Variants in GRID2 observed in about 807,000 individuals in gnomAD.
GRID2 encodes glutamate receptor ionotropic, delta-2.
Under a neutral mutation model 114.8 loss-of-function variants are expected in GRID2, and 33 were observed. The observed-to-expected ratio is 0.29, with a 90% CI of 0.22 to 0.38. GRID2 has a LOEUF of 0.38. GRID2 is among the 10% of genes least tolerant of loss of function. The probability of loss-of-function intolerance (pLI) is 1.00; values close to 1 mark genes in which losing one functional copy is unlikely to be tolerated. For missense variants in GRID2, 1,184 were observed against 1,257.7 expected, an observed-to-expected ratio of 0.94 and a Z score of 0.89; for synonymous variants, 505 against 449.9, an observed-to-expected ratio of 1.12 and a Z score of -1.55.
chr4:93,242,709 G>A (rs1747683983), intron 8 of GRID2, among the ~76,000 whole-genome samples: 1 of 151,866 alleles, frequency 6.6e-6, no homozygotes, highest in Non-Finnish European at 1.5e-5. Flanking sequence ...TTATGTTTGG[G>A]GAGAGAGAGA....
intron 2 of GRID2, among the ~76,000 whole-genome samples, chr4:92,769,677 G>C (rs1043891528): frequency 6.6e-6 from 1 of 152,160 alleles, no homozygotes; most frequent in African/African-American, 2.4e-5. Flanking sequence ...ACACCACATG[G>C]AGGCTGCCAA....
chr4:93,783,193 A>G (rs1734514257), intron 1 of GRID2, among the ~76,000 whole-genome samples: 1 of 152,280 alleles, frequency 6.6e-6, no homozygotes, highest in Non-Finnish European at 1.5e-5. Flanking sequence ...TGCCAGGCTC[A>G]GTGCTAGGCA....
chr4:92,747,775 T>C (rs1425640379), intron 2 of GRID2, among the ~76,000 whole-genome samples: 1 of 152,170 alleles, frequency 6.6e-6, no homozygotes, highest in Non-Finnish European at 1.5e-5. Flanking sequence ...TAATATTTAT[T>C]ATTAAGCCAT....
Position 93,216,684 on chromosome 4 carries a change from G to A in GRID2, c.790-54G>A. The A allele has an allele frequency of 1.4e-5, 16 of 1,151,436 alleles. 1 individual carries two copies. In the South Asian group the frequency reaches 1.9e-4, roughly 14 times the overall value. The allele number at this position is 1,151,436 out of a possible 1,614,324, so 71.3% of individuals were successfully genotyped here. ...ACAGATAACAACTCATAATAGGTTT[G>A]TGTTTTGTGACTGTATTAAAGTATC... On this transcript the variant is annotated intron_variant, in intron 5 of 15. Coordinates refer to ENST00000282020, the MANE Select transcript of GRID2 (RefSeq NM_001510.4).
intron 2 of GRID2, among the ~76,000 whole-genome samples, chr4:92,651,907 C>A (rs1049316088): frequency 6.6e-6 from 1 of 152,066 alleles, no homozygotes; most frequent in Non-Finnish European, 1.5e-5. Flanking sequence ...CCAAAGTTTT[C>A]TTTTTCTCTG....
At chr4:92,591,683 A>G (rs555566275) in intron 2 of GRID2, among the ~76,000 whole-genome samples, 7 of 152,172 alleles carry the variant, frequency 4.6e-5, no homozygotes, top group Non-Finnish European at 1.0e-4. Context: ...ATATATTTTC[A>G]ATCAATAGCA....
intron 2 of GRID2, among the ~76,000 whole-genome samples, chr4:92,720,472 G>A (rs968683109): frequency 1.3e-5 from 2 of 151,640 alleles, no homozygotes; most frequent in Non-Finnish European, 2.9e-5. Flanking sequence ...TAAAGCTCAG[G>A]GATTTCAGAA....
chr4:92,454,113 T>TAATA (rs78170420), intron 1 of GRID2, among the ~76,000 whole-genome samples: 22,706 of 152,134 alleles, frequency 0.15, 1,892 homozygotes, highest in South Asian at 0.21. Flanking sequence ...GAAATATAAA[T>TAATA]AATAATGACA....
At chr4:92,805,951 A>G (rs1578215336) in intron 2 of GRID2, among the ~76,000 whole-genome samples, 1 of 151,424 alleles carries the variant, frequency 6.6e-6, no homozygotes, top group Non-Finnish European at 1.5e-5. Flanking sequence ...TCTCCCTACT[A>G]TCACCTTCCT....
chr4:92,581,827 A>G (rs1404055200), intron 1 of GRID2, among the ~76,000 whole-genome samples: 1 of 152,128 alleles, frequency 6.6e-6, no homozygotes, highest in Non-Finnish European at 1.5e-5. Flanking sequence ...AATGTAAATT[A>G]CAATGCACAT....
Position 92,363,673 on chromosome 4 carries a change from T to C in GRID2, c.88+58929T>C, listed in dbSNP as rs138318444. Among the ~76,000 whole-genome samples, 8 of 152,112 alleles carry C rather than the reference T, an allele frequency of 5.3e-5. No individual in the cohort carries two copies. The East Asian group carries it at 1.4e-3, about 26-fold the overall frequency. On this transcript the variant is annotated intron_variant, in intron 1 of 15. Transcript: ENST00000282020. ...TTTAGACTTCTATTTTATACTGAAT[T>C]GAAATAACATACTATGTTCCTAAAA... is the stretch of plus-strand genomic sequence containing the variant.
chr4:93,247,402 G>C (rs556954694), intron 8 of GRID2, among the ~76,000 whole-genome samples: 5 of 152,216 alleles, frequency 3.3e-5, no homozygotes, highest in Non-Finnish European at 7.4e-5. Flanking sequence ...ATCTGTTGGG[G>C]AACTGAATAG....
rs1177431788 is a variant in GRID2, at chr4:93,694,374, A to T, written c.2360+67939A>T. ...TCATTTAGCCTTACTGTTTCCATTC[A>T]GTAGGTCTTCCACATCCTCATGTTG... On this transcript the variant is annotated intron_variant, in intron 14 of 15. Transcript: ENST00000282020. 2.0e-5 allele frequency among the ~76,000 whole-genome samples: 3 copies of T among 152,252 alleles called. No individual in the cohort carries two copies. The East Asian group carries it at 5.8e-4, about 29-fold the overall frequency.
intron 1 of GRID2, among the ~76,000 whole-genome samples, chr4:92,482,481 A>T (rs1184953470): frequency 6.6e-6 from 1 of 152,156 alleles, no homozygotes; most frequent in African/African-American, 2.4e-5. Flanking sequence ...AAATAAAAAT[A>T]ATTATTCTAT....
At chr4:92,893,219 C>A (rs1746916255) in intron 2 of GRID2, among the ~76,000 whole-genome samples, 1 of 151,950 alleles carries the variant, frequency 6.6e-6, no homozygotes, top group East Asian at 1.9e-4. Flanking sequence ...ATCTTTATAC[C>A]CCATAGAGTT....
At chr4:92,352,262 A>C (rs749928075) in intron 1 of GRID2, among the ~76,000 whole-genome samples, 1 of 151,410 alleles carries the variant, frequency 6.6e-6, no homozygotes, top group Non-Finnish European at 1.5e-5. Flanking sequence ...TATTTTTTTC[A>C]TTTACCTGTT....
chr4:92,433,486 C>A (rs992568301), intron 1 of GRID2, among the ~76,000 whole-genome samples: 1 of 152,182 alleles, frequency 6.6e-6, no homozygotes, highest in Non-Finnish European at 1.5e-5. Context: ...TCTGTGGGTG[C>A]CAGCTGAATT....
intron 2 of GRID2, among the ~76,000 whole-genome samples, chr4:92,629,256 T>C (rs1211864377): frequency 1.3e-5 from 2 of 152,170 alleles, no homozygotes; most frequent in African/African-American, 4.8e-5. Context: ...TCCTCAGATA[T>C]GCAACATTTA....
chr4:93,440,416 T>C (rs1274425868), intron 10 of GRID2, among the ~76,000 whole-genome samples: 2 of 152,180 alleles, frequency 1.3e-5, no homozygotes, highest in African/African-American at 4.8e-5. Flanking sequence ...GCTAAGACTT[T>C]CATTCTTACA....
Sources: allele counts gnomAD v4.1 joint callset (sites outside exome capture counted in the v4.1 genomes callset), GRCh38; gene constraint gnomAD v4.1.1; transcripts MANE v1.5; gene names NCBI Gene and HGNC (gene_info 2026-07-23, HGNC 2026-07-21).